The following CCND2 variants were observed in gnomAD, a reference collection of about 807,000 sequenced individuals.
The protein encoded by CCND2 is cyclin D2.
Under a neutral mutation model 30.2 loss-of-function variants are expected in CCND2, and 6 were observed. The ratio of observed to expected loss-of-function variants is 0.20; its 90% CI spans 0.11 to 0.39. CCND2 has a LOEUF of 0.39. Among genes scored for constraint, CCND2 ranks in the 10% least tolerant of loss-of-function variants. CCND2 has a pLI of 1.00. For missense variants in CCND2, 235 were observed against 373.4 expected (o/e 0.63, Z 3.06); for synonymous variants, 150 against 153.1 (o/e 0.98, Z 0.15).
rs555252323 is a variant in CCND2 at position 4,299,612 on chromosome 12, G to A, written c.721-248G>A. Among the ~76,000 whole-genome samples, 6 of 152,110 alleles carry A rather than the reference G, an allele frequency of 3.9e-5. No homozygotes were observed. The highest frequency in any genetic ancestry group is 7.4e-5 in the Non-Finnish European group (5 of 68,018). On this transcript the variant is annotated intron_variant, in intron 4 of 4. Coordinates refer to ENST00000261254, the MANE Select transcript of CCND2 (RefSeq NM_001759.4). This position sits in a 1 kb window ranked among gnomAD's most constrained non-coding sequence, Gnocchi z 5.2. ...CTAAAAGGCAGGTTCTGAATAGCTC[G>A]GCCTGGGTTGACTGAGATTCTGCGG...
intron 4 of CCND2, chr12:4,297,800 G>A: frequency 4.5e-6 from 2 of 448,086 alleles, no homozygotes; most frequent in South Asian, 3.1e-5. Context: ...GTAACCAGGA[G>A]ATGCCACAGG....
At position 4,285,374 on chromosome 12, in the gene CCND2, A is replaced by G; in HGVS notation, c.572-3468A>G. On this transcript the variant is annotated intron_variant, in intron 3 of 4. Transcript: ENST00000261254. This position sits in a 1 kb window ranked among gnomAD's most constrained non-coding sequence, Gnocchi z 4.1. ...CACCCCTGAGCGTGCCTTCTGCACC[A>G]GCATATTGCTTGTTGGCATTTTTGA... 1.1e-5 allele frequency: 11 copies of G among 985,436 alleles called. No homozygotes were observed. Among genetic ancestry groups the G allele is most frequent in the Non-Finnish European group, 1.3e-5 (11 of 829,894 alleles). The allele number at this position is 985,436 out of a possible 1,614,324, so 61.0% of individuals were successfully genotyped here.
At chr12:4,278,960 C>T (rs764946398) in intron 3 of CCND2, 41 bp downstream of exon 3, 1 of 1,580,986 alleles carries the variant, frequency 6.3e-7, no homozygotes, top group Non-Finnish European at 8.6e-7. Context: ...TGGGGGAGCT[C>T]TTTTGGGAGA....
At chr12:4,284,732 T>C (rs1863998461) in intron 3 of CCND2, among the ~76,000 whole-genome samples, 1 of 143,584 alleles carries the variant, frequency 7.0e-6, no homozygotes, top group Non-Finnish European at 1.5e-5. Context: ...TTTTTTTTTT[T>C]CTTTTCTTTT....
rs1864300889 is a variant in CCND2 at position 4,305,227 on chromosome 12, C to G, written c.*5218C>G. 1.7e-5 allele frequency: 4 copies of G among 232,762 alleles called. No individual in the cohort carries two copies. In the East Asian group the frequency reaches 2.4e-4, roughly 14 times the overall value. The allele number at this position is 232,762 out of a possible 1,614,324, so 14.4% of individuals were successfully genotyped here. The stretch of plus-strand genomic sequence containing the variant: ...TCAGCTGCCTTTTAAGAGGTCTTAT[C>G]TGTTCAGTGTTAAGTGATTTAAAAA... On this transcript the variant is annotated 3_prime_UTR_variant, in exon 5 of 5. Coordinates refer to ENST00000261254, the MANE Select transcript of CCND2 (RefSeq NM_001759.4). The surrounding 1 kb of genome is among the most constrained non-coding windows in gnomAD (Gnocchi z 6.4).
At position 4,300,126 on chromosome 12, in the gene CCND2, C is replaced by T. The variant is rs956061950; in HGVS notation, c.*117C>T. 5 of 996,940 alleles carry T rather than the reference C, an allele frequency of 5.0e-6. No individual in the cohort carries two copies. The highest frequency in any genetic ancestry group is 4.9e-5 in the African/African-American group (3 of 61,354). The allele number at this position is 996,940 out of a possible 1,614,324, so 61.8% of individuals were successfully genotyped here. ...ACTTAAAAAAAAAATTCTGCCCCCA[C>T]CTAGATCATATTTAAAGATCTTTTA... is the stretch of plus-strand genomic sequence containing the variant. On this transcript the variant is annotated 3_prime_UTR_variant, in exon 5 of 5. Transcript: ENST00000261254.
In CCND2 at chr12:4,304,995, TTTTTC is replaced by T; in HGVS notation, c.*4991_*4995del. 1 of 206,814 alleles carries T rather than the reference TTTTTC, an allele frequency of 4.8e-6. No homozygotes were observed. The highest frequency in any genetic ancestry group is 3.0e-5 in the African/African-American group (1 of 33,292). The allele number at this position is 206,814 out of a possible 1,614,324, so 12.8% of individuals were successfully genotyped here. ...GTCTTGGACTTTTTTTTTTCTTTTC[TTTTTC>T]TTTTTTTTTTTGCTTTAAAACAAGT... On this transcript the variant is annotated 3_prime_UTR_variant, in exon 5 of 5. Coordinates refer to ENST00000261254, the MANE Select transcript of CCND2 (RefSeq NM_001759.4). The surrounding 1 kb of genome is among the most constrained non-coding windows in gnomAD (Gnocchi z 6.2).
chr12:4,282,844 G>A lies in CCND2; in HGVS notation c.571+3925G>A, dbSNP rs1274127512. Among the ~76,000 whole-genome samples, 3 of 152,256 alleles carry A rather than the reference G, an allele frequency of 2.0e-5. No individual in the cohort carries two copies. The highest frequency in any genetic ancestry group is 7.2e-5 in the African/African-American group (3 of 41,468). On this transcript the variant is annotated intron_variant, in intron 3 of 4. Transcript: ENST00000261254. The surrounding 1 kb of genome is among the most constrained non-coding windows in gnomAD (Gnocchi z 4.3). Reference sequence around the variant, plus strand: ...TGCTGGTCCTCTTATGGGGGTGGCAGATGAGGTGCGTGCCCAGTGACGTCC... The same window carrying A: ...TGCTGGTCCTCTTATGGGGGTGGCAAATGAGGTGCGTGCCCAGTGACGTCC...
intron 4 of CCND2, among the ~76,000 whole-genome samples, chr12:4,290,617 T>TCC (rs3217866): frequency 6.0e-5 from 9 of 149,694 alleles, no homozygotes; most frequent in South Asian, 2.1e-4. Flanking sequence ...TGTAACCTTT[T>TCC]CCCCCGATGT....
At chr12:4,280,081 GCTT>G (rs1446243980) in intron 3 of CCND2, among the ~76,000 whole-genome samples, 1 of 144,964 alleles carries the variant, frequency 6.9e-6, no homozygotes, top group Non-Finnish European at 1.5e-5. Flanking sequence ...CTGAACCCGA[GCTT>G]CTTCATCTCC....
chr12:4,292,697 T>C (rs983637492), intron 4 of CCND2, among the ~76,000 whole-genome samples: 11 of 152,198 alleles, frequency 7.2e-5, no homozygotes, highest in Non-Finnish European at 1.0e-4. Flanking sequence ...TGGTATATTT[T>C]AAATACTTTT....
At position 4,274,257 on chromosome 12, in the gene CCND2, G is replaced by A. The variant is rs367795095; in HGVS notation, c.195+22G>A. 23 of 1,611,160 alleles carry A rather than the reference G, an allele frequency of 1.4e-5. No homozygotes were observed. The highest frequency in any genetic ancestry group is 2.0e-5 in the Non-Finnish European group (23 of 1,178,312). On this transcript the variant is annotated intron_variant, in intron 1 of 4. Coordinates refer to ENST00000261254, the MANE Select transcript of CCND2 (RefSeq NM_001759.4). The surrounding 1 kb of genome is among the most constrained non-coding windows in gnomAD (Gnocchi z 7.7). ...GGAGGTAGGTCGGGGGGTGGCGCTC[G>A]CCAGGAGCCAGGACCCCTCCGGATG...
intron 4 of CCND2, chr12:4,297,814 G>A (rs749386594): frequency 3.5e-5 from 16 of 451,358 alleles, no homozygotes; most frequent in African/African-American, 1.8e-4. Flanking sequence ...CCACAGGAAC[G>A]TCTGAGAGGT....
Position 4,280,593 on chromosome 12 carries a change from G to C in CCND2, c.571+1674G>C, listed in dbSNP as rs76662635. ...CACTCTGGCTTCCTTCCCTTCTGCT[G>C]TCTGGCCCGGGCCCGAGAGGTCAGT... On this transcript the variant is annotated intron_variant, in intron 3 of 4. Transcript: ENST00000261254. 3.6e-3 allele frequency among the ~76,000 whole-genome samples: 551 copies of C among 152,376 alleles called. 2 individuals carry two copies. Among genetic ancestry groups the C allele is most frequent in the African/African-American group, 0.013 (524 of 41,586 alleles).
Position 4,274,338 on chromosome 12 carries a change from TC to T in CCND2, c.195+106del. On this transcript the variant is annotated intron_variant, in intron 1 of 4. Coordinates refer to ENST00000261254, the MANE Select transcript of CCND2 (RefSeq NM_001759.4). This position sits in a 1 kb window ranked among gnomAD's most constrained non-coding sequence, Gnocchi z 7.7. ...GGAGAGGGCAATCCCCGCGCCGGCCTCCCGGCTCCTGTGCGGGAGTTTACCG... is the reference window on the plus strand; with the variant it reads ...GGAGAGGGCAATCCCCGCGCCGGCCTCCGGCTCCTGTGCGGGAGTTTACCG... The T allele has an allele frequency of 1.6e-6, 2 of 1,261,660 alleles. No individual in the cohort carries two copies. Among genetic ancestry groups the T allele is most frequent in the African/African-American group, 3.0e-5 (2 of 67,470 alleles). The allele number at this position is 1,261,660 out of a possible 1,614,324, so 78.2% of individuals were successfully genotyped here. A position where few individuals can be genotyped will look rare whatever the true frequency, so the allele number is the denominator to read the frequency against.
At chr12:4,277,185 CTT>C (rs1409590681) in intron 2 of CCND2, among the ~76,000 whole-genome samples, 1 of 152,218 alleles carries the variant, frequency 6.6e-6, no homozygotes, top group Non-Finnish European at 1.5e-5. Flanking sequence ...GCCTGAATGA[CTT>C]CACCTTTGAA....
At position 4,299,784 on chromosome 12, in the gene CCND2, T is replaced by TA; in HGVS notation, c.721-75dup. ...TAGCACAGACTTATGCAAGCTAAATTACGCATGTTTTCTCCGTAGGATGCT... is the reference window on the plus strand; with the variant it reads ...TAGCACAGACTTATGCAAGCTAAATTAACGCATGTTTTCTCCGTAGGATGCT... On this transcript the variant is annotated intron_variant, in intron 4 of 4. Coordinates refer to ENST00000261254, the MANE Select transcript of CCND2 (RefSeq NM_001759.4). This position sits in a 1 kb window ranked among gnomAD's most constrained non-coding sequence, Gnocchi z 5.2. 7.2e-7 allele frequency: 1 copy of TA among 1,381,974 alleles called. No individual in the cohort carries two copies. The highest frequency in any genetic ancestry group is 1.0e-6 in the Non-Finnish European group (1 of 998,374). 85.6% of individuals were successfully genotyped at this position (1,381,974 alleles called of 1,614,324 possible). A position where few individuals can be genotyped will look rare whatever the true frequency, so the allele number is the denominator to read the frequency against.
chr12:4,273,886 CT>C lies in CCND2; in HGVS notation c.-154del, dbSNP rs1863820499. The C allele has an allele frequency of 7.1e-6, 5 of 707,358 alleles. No homozygotes were observed. Among genetic ancestry groups the C allele is most frequent in the Non-Finnish European group, 1.2e-5 (5 of 433,070 alleles). The allele number at this position is 707,358 out of a possible 1,614,324, so 43.8% of individuals were successfully genotyped here. On this transcript the variant is annotated 5_prime_UTR_variant, in exon 1 of 5. Coordinates refer to ENST00000261254, the MANE Select transcript of CCND2 (RefSeq NM_001759.4). This position sits in a 1 kb window ranked among gnomAD's most constrained non-coding sequence, Gnocchi z 5.9. ...CCTCGCCTCCCTTCTGCTCCACCTT[CT>C]CTCTCTGCCCTCACCTCTCCCCCGA...
At chr12:4,291,437 G>C (rs921067499) in intron 4 of CCND2, among the ~76,000 whole-genome samples, 7 of 151,976 alleles carry the variant, frequency 4.6e-5, no homozygotes, top group African/African-American at 1.5e-4. Context: ...GTTTCTGGAA[G>C]TCTTTACTGA....
Sources: allele counts gnomAD v4.1 joint callset (sites outside exome capture counted in the v4.1 genomes callset), GRCh38; gene constraint gnomAD v4.1.1; non-coding constraint Gnocchi (gnomAD v3.1); transcripts MANE v1.5; gene names NCBI Gene and HGNC (gene_info 2026-07-23, HGNC 2026-07-21).